OGDH: variants seen among roughly 807,000 people sequenced by gnomAD.
OGDH encodes the protein 2-oxoglutarate dehydrogenase complex component E1.
A neutral mutation model predicts 116.6 loss-of-function variants in OGDH; 38 were observed. That is an observed-to-expected ratio of 0.33 (90% confidence interval 0.25 to 0.43). The LOEUF (loss-of-function observed/expected upper bound fraction) is 0.43, where lower values mean the gene tolerates loss of function less well. Ranked by LOEUF, OGDH falls within the 20% of genes least tolerant of loss-of-function variation. The pLI, the probability that OGDH is intolerant of heterozygous loss-of-function variation, is 1.00. For synonymous variants in OGDH, 488 were observed against 533.3 expected (o/e 0.92, Z 1.17); for missense variants, 825 against 1,357.2 (o/e 0.61, Z 6.16).
At chr7:44,616,795 G>T in intron 1 of OGDH, among the ~76,000 whole-genome samples, 1 of 104,534 alleles carries the variant, frequency 9.6e-6, no homozygotes, top group Admixed American at 9.8e-5. Flanking sequence ...ATATATATAT[G>T]TGTATATATA....
Position 44,681,704 on chromosome 7 carries a change from C to A in OGDH, c.1207-16C>A, listed in dbSNP as rs1270332165. On this transcript the variant is annotated splice_polypyrimidine_tract_variant and intron_variant, in intron 9 of 22. Coordinates refer to ENST00000222673, the MANE Select transcript of OGDH (RefSeq NM_002541.4). ...TCAGAACATTCTGGATTTGGGGTCT[C>A]CTTTGGTGTTTACAGGTCATGTCCA... 1.2e-6 allele frequency: 2 copies of A among 1,612,010 alleles called. No homozygotes were observed. The highest frequency in any genetic ancestry group is 4.5e-5 in the East Asian group (2 of 44,840).
intron 10 of OGDH, among the ~76,000 whole-genome samples, chr7:44,685,470 A>G (rs746288596): frequency 6.6e-6 from 1 of 152,238 alleles, no homozygotes; most frequent in Non-Finnish European, 1.5e-5. Flanking sequence ...AAGGCTGAAT[A>G]ATATTCCACT....
chr7:44,644,866 C>A (rs552473768), intron 2 of OGDH, among the ~76,000 whole-genome samples: 3 of 152,226 alleles, frequency 2.0e-5, no homozygotes, highest in African/African-American at 7.2e-5. Context: ...GGTGTTTGAT[C>A]CCACAGAAAA....
At chr7:44,696,321 G>C (rs41280654) in intron 13 of OGDH, 108 bp from the exon 14 acceptor site, 19,376 of 1,379,780 alleles carry the variant, frequency 0.014, 178 homozygotes, top group Non-Finnish European at 0.016. Context: ...CACAGTGTGA[G>C]CTACATTGTC....
chr7:44,672,264 C>T (rs1159457039), intron 5 of OGDH, among the ~76,000 whole-genome samples: 1 of 152,040 alleles, frequency 6.6e-6, no homozygotes, highest in Non-Finnish European at 1.5e-5. Context: ...AGCTTGTGTA[C>T]AGGGATAGCC....
At chr7:44,635,288 G>T (rs1208226816) in intron 2 of OGDH, among the ~76,000 whole-genome samples, 1 of 152,174 alleles carries the variant, frequency 6.6e-6, no homozygotes, top group Non-Finnish European at 1.5e-5. Flanking sequence ...CCCTGTAGTT[G>T]ATATTTATAG....
intron 1 of OGDH, among the ~76,000 whole-genome samples, chr7:44,614,888 G>T (rs950510558): frequency 3.4e-5 from 5 of 146,666 alleles, no homozygotes; most frequent in African/African-American, 1.3e-4. Context: ...CCAGGCTGGA[G>T]TGCAGTGGCG....
At chr7:44,671,926 G>A (rs183415064) in intron 5 of OGDH, among the ~76,000 whole-genome samples, 33 of 151,752 alleles carry the variant, frequency 2.2e-4, no homozygotes, top group African/African-American at 7.0e-4. Context: ...AAAATTAGCC[G>A]GGTGTGGTGG....
At chr7:44,671,316 T>C (rs1170819183) in intron 5 of OGDH, among the ~76,000 whole-genome samples, 2 of 151,892 alleles carry the variant, frequency 1.3e-5, no homozygotes, top group African/African-American at 2.4e-5. Flanking sequence ...CAAGAACTAA[T>C]AGAGCAAGAA....
chr7:44,681,702 C>G lies in OGDH; in HGVS notation c.1207-18C>G. On this transcript the variant is annotated intron_variant, in intron 9 of 22. Transcript: ENST00000222673. Reference sequence around the variant, plus strand: ...AATCAGAACATTCTGGATTTGGGGTCTCCTTTGGTGTTTACAGGTCATGTC... The same window carrying G: ...AATCAGAACATTCTGGATTTGGGGTGTCCTTTGGTGTTTACAGGTCATGTC... 6.2e-7 allele frequency: 1 copy of G among 1,606,520 alleles called. No individual in the cohort carries two copies. Among genetic ancestry groups the G allele is most frequent in the Non-Finnish European group, 8.5e-7 (1 of 1,175,624 alleles).
intron 2 of OGDH, among the ~76,000 whole-genome samples, chr7:44,629,401 T>C (rs568270037): frequency 6.6e-6 from 1 of 152,164 alleles, no homozygotes; most frequent in Non-Finnish European, 1.5e-5. Context: ...GGTGCCATCA[T>C]TGGCCCTGCT....
In OGDH at chr7:44,694,453, G is replaced by A; in HGVS notation, c.1545G>A (p.Glu515=). ...GTTACCGGCGCAACGGCCACAACGAGATGGATGAGCCCATGTTCACGCAGC... is the reference window on the plus strand; with the variant it reads ...GTTACCGGCGCAACGGCCACAACGAAATGGATGAGCCCATGTTCACGCAGC... The part of the protein sequence containing the change: ...LVCYRRNGHN[E]MDEPMFTQPL... Residue 515 remains glutamate (E), a synonymous_variant, in exon 12 of 23, where the codon GAG becomes GAA. Transcript: ENST00000222673. This position sits in a 1 kb window ranked among gnomAD's most constrained non-coding sequence, Gnocchi z 4.2. 2 of 1,613,976 alleles carry A rather than the reference G, an allele frequency of 1.2e-6. No homozygotes were observed. The highest frequency in any genetic ancestry group is 1.7e-6 in the Non-Finnish European group (2 of 1,180,008).
At chr7:44,627,865 C>T (rs916217763) in intron 2 of OGDH, among the ~76,000 whole-genome samples, 4 of 151,970 alleles carry the variant, frequency 2.6e-5, no homozygotes, top group Admixed American at 6.6e-5. Flanking sequence ...TTAGTAGAGA[C>T]GGGGTTTCAC....
chr7:44,669,685 C>G lies in OGDH; in HGVS notation c.633+2834C>G, dbSNP rs150268279. 5.6e-3 allele frequency among the ~76,000 whole-genome samples: 860 copies of G among 152,220 alleles called. 10 individuals are homozygous for G. The highest frequency in any genetic ancestry group is 0.019 in the African/African-American group (786 of 41,522). On this transcript the variant is annotated intron_variant, in intron 5 of 22. Coordinates refer to ENST00000222673, the MANE Select transcript of OGDH (RefSeq NM_002541.4). ...CCTGAAGCACATTGAAGGGCTGCCT[C>G]CCTTTCAGTCCAGTTGATGCCAGAG...
At chr7:44,700,707 G>A (rs751287079) in intron 19 of OGDH, among the ~76,000 whole-genome samples, 24 of 152,204 alleles carry the variant, frequency 1.6e-4, no homozygotes, top group Admixed American at 7.2e-4. Context: ...ATACGTTGGA[G>A]AAGTGATTCA....
rs900611329 is a variant in OGDH, at chr7:44,666,722, A to C, written c.518-14A>C. The C allele has an allele frequency of 6.4e-6, 10 of 1,561,976 alleles. No individual in the cohort carries two copies. In the Admixed American group the frequency reaches 1.8e-4, roughly 27 times the overall value. On this transcript the variant is annotated splice_polypyrimidine_tract_variant and intron_variant, in intron 4 of 22. Coordinates refer to ENST00000222673, the MANE Select transcript of OGDH (RefSeq NM_002541.4). ...CCTCCTCATCTGGCTTGTCCTGCCC[A>C]CATCGCCCTGCAGGGTTCTATGGCC...
rs566098498 is a variant in OGDH at position 44,688,200 on chromosome 7, G to A, written c.1336-5625G>A. Among the ~76,000 whole-genome samples the A allele has an allele frequency of 5.9e-5, 9 of 151,866 alleles. No individual in the cohort carries two copies. In the South Asian group the frequency reaches 1.0e-3, roughly 18 times the overall value. On this transcript the variant is annotated intron_variant, in intron 10 of 22. Transcript: ENST00000222673. The stretch of plus-strand genomic sequence containing the variant: ...AGCCTGGCCAACATGATGAAACCCC[G>A]TCTCTACTAAAAATACAAAAATTAG...
At chr7:44,635,899 T>C (rs1785647919) in intron 2 of OGDH, among the ~76,000 whole-genome samples, 1 of 152,114 alleles carries the variant, frequency 6.6e-6, no homozygotes, top group African/African-American at 2.4e-5. Context: ...GAGATGGGGT[T>C]TCACCATGTT....
At chr7:44,690,810 A>G (rs776395120) in intron 10 of OGDH, among the ~76,000 whole-genome samples, 21 of 152,232 alleles carry the variant, frequency 1.4e-4, no homozygotes, top group Non-Finnish European at 7.3e-5. Context: ...AAGGCATGTT[A>G]TGATCACTGA....
Sources: allele counts gnomAD v4.1 joint callset (sites outside exome capture counted in the v4.1 genomes callset), GRCh38; gene constraint gnomAD v4.1.1; non-coding constraint Gnocchi (gnomAD v3.1); transcripts MANE v1.5; gene names NCBI Gene and HGNC (gene_info 2026-07-23, HGNC 2026-07-21).